Variants in ATG7 observed in about 807,000 individuals in gnomAD.
The protein encoded by ATG7 is autophagy related 7.
A neutral mutation model predicts 82.4 loss-of-function variants in ATG7; 70 were observed. That is an observed-to-expected ratio of 0.85 (90% confidence interval 0.70 to 1.04). The LOEUF (loss-of-function observed/expected upper bound fraction) is 1.04. Among genes scored for constraint, ATG7 ranks in the 50% least tolerant of loss-of-function variants. The pLI, the probability that ATG7 is intolerant of heterozygous loss-of-function variation, is 0.00. For synonymous variants in ATG7, 287 were observed against 313.0 expected, an observed-to-expected ratio of 0.92 and a Z score of 0.88; for missense variants, 792 against 864.3, an observed-to-expected ratio of 0.92 and a Z score of 1.05.
intron 7 of ATG7, among the ~76,000 whole-genome samples, chr3:11,310,327 C>A (rs1226362903): frequency 6.6e-6 from 1 of 152,152 alleles, no homozygotes; most frequent in East Asian, 1.9e-4. Context: ...ACAGCATCAT[C>A]AGCTTTGGAC....
intron 20 of ATG7, among the ~76,000 whole-genome samples, chr3:11,547,222 C>T (rs2071374668): frequency 6.6e-6 from 1 of 152,208 alleles, no homozygotes; most frequent in Non-Finnish European, 1.5e-5. Context: ...CCCTTGCTAG[C>T]TTGGTCTCCT....
In ATG7 at chr3:11,556,446, C is replaced by T. The variant is rs1303328743; in HGVS notation, c.*1603C>T. 1 of 152,738 alleles carries T rather than the reference C, an allele frequency of 6.5e-6. No homozygotes were observed. Among genetic ancestry groups the T allele is most frequent in the Non-Finnish European group, 1.5e-5 (1 of 68,060 alleles). 9.5% of individuals were successfully genotyped at this position (152,738 alleles called of 1,614,324 possible). A position where few individuals can be genotyped will look rare whatever the true frequency, so the allele number is the denominator to read the frequency against. On this transcript the variant is annotated 3_prime_UTR_variant, in exon 21 of 21. Coordinates refer to ENST00000693202, the MANE Select transcript of ATG7 (RefSeq NM_001349232.2). ...TGTTCACTGACAAAGAGACCTGTCC[C>T]AGGAGTGTCCTCCACCGAGCCGGTC...
At chr3:11,422,377 T>C (rs1035988894) in intron 19 of ATG7, among the ~76,000 whole-genome samples, 1 of 152,384 alleles carries the variant, frequency 6.6e-6, no homozygotes, top group South Asian at 2.1e-4. Flanking sequence ...CTCACTTTTA[T>C]GTTATGGAGA....
chr3:11,362,783 C>G (rs2076363335), intron 16 of ATG7, 30 bp from the exon 17 acceptor site: 11 of 1,595,210 alleles, frequency 6.9e-6, no homozygotes, highest in Admixed American at 1.7e-5. Context: ...GTAGAACGTT[C>G]TGCACACACC....
chr3:11,345,357 G>A (rs1365104368), intron 13 of ATG7, among the ~76,000 whole-genome samples: 3 of 152,110 alleles, frequency 2.0e-5, no homozygotes, highest in Non-Finnish European at 2.9e-5. Context: ...TGCAGTGAGC[G>A]GAGATAGCGC....
chr3:11,335,887 C>T lies in ATG7; in HGVS notation c.889+2794C>T, dbSNP rs146379794. On this transcript the variant is annotated intron_variant, in intron 11 of 20. Transcript: ENST00000693202. ...TAAGTTTTTGTATCTTTAGTAGAGT[C>T]GGGGTTTCACTGTGTTGGCCAGGCT... 3.2e-3 allele frequency among the ~76,000 whole-genome samples: 484 copies of T among 152,026 alleles called. 5 individuals are homozygous for T. Among genetic ancestry groups the T allele is most frequent in the African/African-American group, 0.011 (462 of 41,460 alleles).
chr3:11,470,952 A>G (rs557841927), intron 20 of ATG7, among the ~76,000 whole-genome samples: 92 of 152,290 alleles, frequency 6.0e-4, no homozygotes, highest in Middle Eastern at 6.8e-3. Flanking sequence ...AGTCATCTGC[A>G]TGGGATTTGT....
At chr3:11,380,282 C>T (rs1370881764) in intron 19 of ATG7, among the ~76,000 whole-genome samples, 1 of 152,100 alleles carries the variant, frequency 6.6e-6, no homozygotes, top group Non-Finnish European at 1.5e-5. Context: ...AATATTTCAA[C>T]TCTGTATCAA....
intron 13 of ATG7, among the ~76,000 whole-genome samples, chr3:11,343,608 G>A (rs185802663): frequency 6.6e-6 from 1 of 151,978 alleles, no homozygotes; most frequent in Non-Finnish European, 1.5e-5. Context: ...TCCTTTGTGG[G>A]TTATGGAACT....
intron 19 of ATG7, among the ~76,000 whole-genome samples, chr3:11,410,311 C>T (rs2080774373): frequency 6.6e-6 from 1 of 151,944 alleles, no homozygotes; most frequent in African/African-American, 2.4e-5. Flanking sequence ...TTGGGTGTTG[C>T]TAATGTGAAT....
At chr3:11,358,355 T>G in intron 14 of ATG7, 63 bp from the exon 15 acceptor site, 1 of 1,505,738 alleles carries the variant, frequency 6.6e-7, no homozygotes, top group Non-Finnish European at 9.0e-7. Context: ...GTGGGAAGTG[T>G]GGGCTCTGAG....
At chr3:11,285,286 C>T (rs1232548134) in intron 3 of ATG7, among the ~76,000 whole-genome samples, 1 of 149,386 alleles carries the variant, frequency 6.7e-6, no homozygotes, top group African/African-American at 2.5e-5. Context: ...TTCAAGTGAT[C>T]CTCCCACCTC....
At chr3:11,518,917 C>A (rs1200856098) in intron 20 of ATG7, among the ~76,000 whole-genome samples, 41 of 152,194 alleles carry the variant, frequency 2.7e-4, no homozygotes, top group Admixed American at 2.7e-3. Context: ...GGAAAAAGAC[C>A]TGTTGATCTC....
chr3:11,442,003 A>G (rs1248272774), intron 20 of ATG7, among the ~76,000 whole-genome samples: 2 of 150,780 alleles, frequency 1.3e-5, no homozygotes, highest in African/African-American at 2.4e-5. Flanking sequence ...AGGTTTCACT[A>G]TGTTGCCCAG....
chr3:11,336,036 A>ATTT (rs541306159), intron 11 of ATG7, among the ~76,000 whole-genome samples: 18 of 111,714 alleles, frequency 1.6e-4, no homozygotes, highest in African/African-American at 6.6e-4. Flanking sequence ...GTGCCCGGTC[A>ATTT]TTTTTTTTTT....
intron 20 of ATG7, among the ~76,000 whole-genome samples, chr3:11,546,162 ATTTTTTT>A (rs36042370): frequency 5.8e-5 from 4 of 68,894 alleles, no homozygotes; most frequent in Non-Finnish European, 7.6e-5. Context: ...CCAAAACTGG[ATTTTTTT>A]TTTTTTTTTT....
At chr3:11,392,474 A>AC (rs34107155) in intron 19 of ATG7, among the ~76,000 whole-genome samples, 49 of 149,502 alleles carry the variant, frequency 3.3e-4, no homozygotes, top group South Asian at 2.4e-3. Context: ...AAACAAACAA[A>AC]AAAAACAAAA....
chr3:11,349,215 T>A (rs1955075667), intron 14 of ATG7, among the ~76,000 whole-genome samples: 1 of 138,908 alleles, frequency 7.2e-6, no homozygotes. Context: ...GCATTTACAA[T>A]CCTCTAGCTA....
At position 11,379,458 on chromosome 3, in the gene ATG7, C is replaced by G. The variant is rs1447232279; in HGVS notation, c.1876-514C>G. Among the ~76,000 whole-genome samples the G allele has an allele frequency of 5.3e-5, 8 of 152,154 alleles. No individual in the cohort carries two copies. In the East Asian group the frequency reaches 1.5e-3, roughly 29 times the overall value. ...AATCTGATGATGTTTTACATTTTAT[C>G]TCTATCTGTTCCAAATCAAGCAAAT... On this transcript the variant is annotated intron_variant, in intron 18 of 20. Coordinates refer to ENST00000693202, the MANE Select transcript of ATG7 (RefSeq NM_001349232.2).
Sources: allele counts gnomAD v4.1 joint callset (sites outside exome capture counted in the v4.1 genomes callset), GRCh38; gene constraint gnomAD v4.1.1; transcripts MANE v1.5; gene names NCBI Gene and HGNC (gene_info 2026-07-23, HGNC 2026-07-21).